The following CFAP92 variants were observed in gnomAD, a reference collection of about 807,000 sequenced individuals.
The protein encoded by CFAP92 is uncharacterized protein CFAP92.
CFAP92 carries 86 observed loss-of-function variants against 106.3 expected under a neutral mutation model. The ratio of observed to expected loss-of-function variants is 0.81; its 90% CI spans 0.68 to 0.97. The LOEUF is 0.97. CFAP92 is among the 50% of genes least tolerant of loss of function. The pLI is 0.00. For synonymous variants in CFAP92, 477 were observed against 506.4 expected (o/e 0.94, Z 0.78); for missense variants, 1,204 against 1,283.8 (o/e 0.94, Z 0.95).
intron 4 of CFAP92, among the ~76,000 whole-genome samples, chr3:128,984,969 G>GA (rs2107807959): frequency 6.6e-6 from 1 of 152,318 alleles, no homozygotes; most frequent in Non-Finnish European, 1.5e-5. Flanking sequence ...AGATTCACAG[G>GA]AAAAATGTTA....
intron 9 of CFAP92, among the ~76,000 whole-genome samples, chr3:128,946,756 G>C (rs1940256610): frequency 6.6e-6 from 1 of 152,058 alleles, no homozygotes; most frequent in Non-Finnish European, 1.5e-5. Context: ...TTCCCATCAA[G>C]AAAGTTCCAT....
intron 12 of CFAP92, among the ~76,000 whole-genome samples, chr3:128,929,670 A>G (rs550652413): frequency 2.0e-5 from 3 of 152,364 alleles, no homozygotes; most frequent in African/African-American, 7.2e-5. Flanking sequence ...GCCAGACACA[A>G]AAGTTTACAT....
At chr3:129,019,920 C>T in the CFAP92 span, among the ~76,000 whole-genome samples, 1 of 151,930 alleles carries the variant, frequency 6.6e-6, no homozygotes, top group South Asian at 2.1e-4. Flanking sequence ...AGGTACCCAC[C>T]ACCACGCCCG....
intron 12 of CFAP92, among the ~76,000 whole-genome samples, chr3:128,918,940 ATTTTTTTTTTTT>A (rs10573280): frequency 9.4e-6 from 1 of 105,872 alleles, no homozygotes; most frequent in Non-Finnish European, 1.9e-5. Flanking sequence ...CTCAGATTGG[ATTTTTTTTTTTT>A]TTTTTTTTTT....
chr3:128,925,114 T>G (rs920948379), intron 12 of CFAP92, among the ~76,000 whole-genome samples: 1 of 152,228 alleles, frequency 6.6e-6, no homozygotes, highest in Non-Finnish European at 1.5e-5. Flanking sequence ...TTTAGCAAAA[T>G]AGCAGTTTCC....
chr3:129,020,120 CAGGCCAGATTAAA>C, the CFAP92 span, among the ~76,000 whole-genome samples: 3 of 152,128 alleles, frequency 2.0e-5, no homozygotes, highest in Admixed American at 1.3e-4. Context: ...TTGGACGATG[CAGGCCAGATTAAA>C]ACACTAGGAC....
At position 128,993,256 on chromosome 3, in the gene CFAP92, G is replaced by A. The variant is rs772751116; in HGVS notation, c.49C>T (p.Pro17Ser). The A allele has an allele frequency of 3.1e-6, 5 of 1,613,908 alleles. No homozygotes were observed. In the South Asian group the frequency reaches 3.3e-5, roughly 11 times the overall value. Reference protein sequence around the residue: ...EWEEDPASIEPISSITSFYQS... With the variant: ...EWEEDPASIESISSITSFYQS... ...TAAAAGCTAGTGATGGAGGAGATGG[G>A]CTCTATGCTTGCGGGGTCCTCTTCC... is the stretch of plus-strand genomic sequence containing the variant. The change falls in exon 2 of 16, where the codon CCC (proline) becomes TCC (serine). Residue 17 changes from proline (P) to serine (S), a missense_variant. Pro to Ser is a moderately conservative substitution (Grantham distance 74, BLOSUM62 -1). Coordinates refer to ENST00000645291, the MANE Select transcript of CFAP92 (RefSeq NM_001394090.1).
At chr3:128,915,791 G>GGC in intron 13 of CFAP92, 1 of 496,798 alleles carries the variant, frequency 2.0e-6, no homozygotes, top group Non-Finnish European at 3.5e-6. Flanking sequence ...CCTAAACCAT[G>GGC]GCTTTCCCTT....
chr3:128,916,014 G>T, intron 13 of CFAP92, 93 bp downstream of exon 13: 1 of 915,240 alleles, frequency 1.1e-6, no homozygotes, highest in Non-Finnish European at 1.4e-6. Context: ...CATCTGTATA[G>T]TTGAGATCCC....
chr3:128,913,721 G>A (rs1238876882), intron 15 of CFAP92, among the ~76,000 whole-genome samples: 1 of 152,108 alleles, frequency 6.6e-6, no homozygotes. Flanking sequence ...CCAGGGGTTT[G>A]GTAACTAGTT....
At chr3:128,936,646 GACT>G (rs200981292) in intron 10 of CFAP92, among the ~76,000 whole-genome samples, 1 of 152,212 alleles carries the variant, frequency 6.6e-6, no homozygotes, top group East Asian at 1.9e-4. Context: ...GCGACTCCAA[GACT>G]ACTTTTACTC....
intron 1 of CFAP92, chr3:129,002,090 C>T: frequency 1.3e-6 from 2 of 1,521,600 alleles, no homozygotes; most frequent in Non-Finnish European, 1.8e-6. Context: ...GCTACTTCGG[C>T]ACCCGTGCGG....
In CFAP92 at chr3:128,987,881, C is replaced by T. The variant is rs1276129533; in HGVS notation, c.454-52G>A. 30 of 1,493,450 alleles carry T rather than the reference C, an allele frequency of 2.0e-5. No homozygotes were observed. The South Asian group carries it at 2.3e-4, about 11-fold the overall frequency. The allele number at this position is 1,493,450 out of a possible 1,614,324, so 92.5% of individuals were successfully genotyped here. A position where few individuals can be genotyped will look rare whatever the true frequency, so the allele number is the denominator to read the frequency against. On this transcript the variant is annotated intron_variant, in intron 3 of 15. Coordinates refer to ENST00000645291, the MANE Select transcript of CFAP92 (RefSeq NM_001394090.1). Reference sequence around the variant, plus strand: ...CAACTGGGGAAAGATGTGCAAAGGCCGTGGCGAACAGAGCAAGCCCCAGCC... The same window carrying T: ...CAACTGGGGAAAGATGTGCAAAGGCTGTGGCGAACAGAGCAAGCCCCAGCC...
At chr3:128,962,059 G>A (rs992502827) in intron 9 of CFAP92, among the ~76,000 whole-genome samples, 8 of 152,234 alleles carry the variant, frequency 5.3e-5, no homozygotes, top group Admixed American at 2.6e-4. Flanking sequence ...CCATCTGTGC[G>A]GGACCCCACT....
rs565427050 is a variant in CFAP92 at position 128,993,385 on chromosome 3, T to A, written c.-32-49A>T. 59 of 1,521,958 alleles carry A rather than the reference T, an allele frequency of 3.9e-5. 1 individual carries two copies. The South Asian group carries it at 6.6e-4, about 17-fold the overall frequency. 94.3% of individuals were successfully genotyped at this position (1,521,958 alleles called of 1,614,324 possible). A position where few individuals can be genotyped will look rare whatever the true frequency, so the allele number is the denominator to read the frequency against. ...GTCCCCGCCTGTATTCCAGGGCTGC[T>A]CCAGGAGGTAAGCCCGGCCTCCTGC... On this transcript the variant is annotated intron_variant, in intron 1 of 15. Coordinates refer to ENST00000645291, the MANE Select transcript of CFAP92 (RefSeq NM_001394090.1).
At position 128,965,666 on chromosome 3, in the gene CFAP92, C is replaced by T; in HGVS notation, c.1198G>A (p.Glu400Lys). Residue 400 changes from glutamate (E) to lysine (K), a missense_variant, in exon 9 of 16, where the codon GAG becomes AAG. By Grantham distance (56) the Glu-to-Lys change is moderately conservative. Coordinates refer to ENST00000645291, the MANE Select transcript of CFAP92 (RefSeq NM_001394090.1). ...GWQTVVSRGS[E>K]KSANILDCLL... Reference sequence around the variant, plus strand: ...CAATCTAAAATGTTGGCAGACTTCTCACTGCCACGACTCACGACAGTTTGC... The same window carrying T: ...CAATCTAAAATGTTGGCAGACTTCTTACTGCCACGACTCACGACAGTTTGC... The T allele has an allele frequency of 2.5e-6, 1 of 398,908 alleles. No individual in the cohort carries two copies. The highest frequency in any genetic ancestry group is 4.4e-6 in the Non-Finnish European group (1 of 226,034). 24.7% of individuals were successfully genotyped at this position (398,908 alleles called of 1,614,324 possible).
chr3:129,004,030 C>T, upstream of CFAP92: 1 of 1,510,664 alleles, frequency 6.6e-7, no homozygotes, highest in Non-Finnish European at 8.8e-7. Context: ...AGGTGCCCGG[C>T]TTGCAGCGCT....
chr3:128,968,256 A>G (rs1245861218), intron 8 of CFAP92: 2 of 152,210 alleles, frequency 1.3e-5, no homozygotes, highest in African/African-American at 4.8e-5. Context: ...CCGCTATGCA[A>G]TACTATCCTT....
intron 6 of CFAP92, 101 bp from the exon 7 acceptor site, chr3:128,976,004 A>G: frequency 8.2e-7 from 1 of 1,223,662 alleles, no homozygotes; most frequent in Non-Finnish European, 1.1e-6. Flanking sequence ...CAGATTTTTT[A>G]AAAACCTCAT....
Sources: allele counts gnomAD v4.1 joint callset (sites outside exome capture counted in the v4.1 genomes callset), GRCh38; gene constraint gnomAD v4.1.1; transcripts MANE v1.5; gene names NCBI Gene and HGNC (gene_info 2026-07-23, HGNC 2026-07-21).